Variants in DPYSL2 observed in about 807,000 individuals in gnomAD.
DPYSL2 encodes the protein dihydropyrimidinase like 2.
A neutral mutation model predicts 69.9 loss-of-function variants in DPYSL2; 13 were observed. The ratio of observed to expected loss-of-function variants is 0.19; its 90% CI spans 0.12 to 0.30. DPYSL2 has a LOEUF of 0.30. Among genes scored for constraint, DPYSL2 ranks in the 10% least tolerant of loss-of-function variants. The pLI is 1.00. For synonymous variants in DPYSL2, 326 were observed against 359.1 expected (o/e 0.91, Z 1.04); for missense variants, 587 against 918.9 (o/e 0.64, Z 4.67).
At chr8:26,524,868 A>G (rs1276183572) in intron 1 of DPYSL2, among the ~76,000 whole-genome samples, 2 of 147,238 alleles carry the variant, frequency 1.4e-5, no homozygotes, top group African/African-American at 2.5e-5. Flanking sequence ...AATATTCCTG[A>G]CATCACTAGA....
intron 3 of DPYSL2, among the ~76,000 whole-genome samples, chr8:26,600,849 A>G (rs536881436): frequency 6.6e-6 from 1 of 152,276 alleles, no homozygotes; most frequent in Admixed American, 6.5e-5. Context: ...ATCTCACCGC[A>G]TGGCTGAGAG....
intron 1 of DPYSL2, among the ~76,000 whole-genome samples, chr8:26,524,932 A>G (rs1009092143): frequency 6.7e-6 from 1 of 148,442 alleles, no homozygotes; most frequent in Non-Finnish European, 1.5e-5. Context: ...ATAGTATCCT[A>G]TTGTTTGACG....
chr8:26,553,535 A>G (rs1309528408), intron 1 of DPYSL2, among the ~76,000 whole-genome samples: 3 of 152,092 alleles, frequency 2.0e-5, no homozygotes, highest in African/African-American at 7.2e-5. Context: ...AGCTTCATCT[A>G]TGTTCTTGCA....
chr8:26,612,788 G>A (rs1802261638), intron 3 of DPYSL2, among the ~76,000 whole-genome samples: 1 of 152,236 alleles, frequency 6.6e-6, no homozygotes, highest in Admixed American at 6.5e-5. Flanking sequence ...GCATAGAAAT[G>A]CCTAGAAGGA....
intron 8 of DPYSL2, among the ~76,000 whole-genome samples, chr8:26,639,444 G>A (rs1434831465): frequency 6.6e-6 from 1 of 152,202 alleles, no homozygotes; most frequent in South Asian, 2.1e-4. Flanking sequence ...ACGGCAGATG[G>A]TCTGCAAGGT....
At position 26,640,152 on chromosome 8, in the gene DPYSL2, A is replaced by G. The variant is rs1405325081; in HGVS notation, c.1127-3287A>G. 6.6e-6 allele frequency among the ~76,000 whole-genome samples: 1 copy of G among 152,214 alleles called. No individual in the cohort carries two copies. The highest frequency in any genetic ancestry group is 2.4e-5 in the African/African-American group (1 of 41,446). On this transcript the variant is annotated intron_variant, in intron 8 of 13. Transcript: ENST00000521913. The surrounding 1 kb of genome is among the most constrained non-coding windows in gnomAD (Gnocchi z 4.2). ...GGATTTGTTCTCCTGCTTCTCGTCC[A>G]TGGGAAATGACTGCCAGAGCTGGGA...
At chr8:26,570,423 C>A (rs962522238) in intron 1 of DPYSL2, among the ~76,000 whole-genome samples, 12 of 152,114 alleles carry the variant, frequency 7.9e-5, no homozygotes, top group African/African-American at 2.7e-4. Flanking sequence ...CCAGTTTCTA[C>A]TAAACAAGTA....
intron 3 of DPYSL2, among the ~76,000 whole-genome samples, chr8:26,612,907 G>C (rs1005674101): frequency 6.6e-6 from 1 of 152,204 alleles, no homozygotes; most frequent in Non-Finnish European, 1.5e-5. Context: ...TGGCCTCCAG[G>C]CTCTGCATCT....
chr8:26,537,918 T>A (rs1200012548), intron 1 of DPYSL2, among the ~76,000 whole-genome samples: 1 of 152,218 alleles, frequency 6.6e-6, no homozygotes, highest in Non-Finnish European at 1.5e-5. Flanking sequence ...GAAGCGTTCA[T>A]CTTTCCTTGG....
chr8:26,520,250 A>T (rs1808363832), intron 1 of DPYSL2, among the ~76,000 whole-genome samples: 1 of 152,202 alleles, frequency 6.6e-6, no homozygotes, highest in East Asian at 1.9e-4. Flanking sequence ...TTTTCTTAAT[A>T]AATTACCCAG....
At position 26,601,881 on chromosome 8, in the gene DPYSL2, T is replaced by C. The variant is rs565138022; in HGVS notation, c.628+17898T>C. Among the ~76,000 whole-genome samples, 4 of 152,346 alleles carry C rather than the reference T, an allele frequency of 2.6e-5. No individual in the cohort carries two copies. The East Asian group carries it at 7.7e-4, about 29-fold the overall frequency. ...GGGCTAGCTTGAAATAAGCTCATAG[T>C]GGTGCGAAAGCAGGGATATTGAGGC... On this transcript the variant is annotated intron_variant, in intron 3 of 13. Coordinates refer to ENST00000521913, the MANE Select transcript of DPYSL2 (RefSeq NM_001197293.3).
chr8:26,538,032 G>A (rs1189993200), intron 1 of DPYSL2, among the ~76,000 whole-genome samples: 4 of 152,056 alleles, frequency 2.6e-5, no homozygotes, highest in Non-Finnish European at 5.9e-5. Context: ...ATACATTTTT[G>A]TCATGACTAT....
chr8:26,651,961 G>A (rs1803287227), intron 11 of DPYSL2, among the ~76,000 whole-genome samples: 1 of 152,228 alleles, frequency 6.6e-6, no homozygotes, highest in South Asian at 2.1e-4. Context: ...CTGTTAATAG[G>A]AAGAATCATT....
Position 26,654,759 on chromosome 8 carries a change from A to G in DPYSL2, c.1943-856A>G, listed in dbSNP as rs139712070. Reference sequence around the variant, plus strand: ...TTTTGTATATAGTTTTACTTTCTCCAGTAATAGATCCAACAACCTTTATAC... The same window carrying G: ...TTTTGTATATAGTTTTACTTTCTCCGGTAATAGATCCAACAACCTTTATAC... On this transcript the variant is annotated intron_variant, in intron 13 of 13. Coordinates refer to ENST00000521913, the MANE Select transcript of DPYSL2 (RefSeq NM_001197293.3). The surrounding 1 kb of genome is among the most constrained non-coding windows in gnomAD (Gnocchi z 5.0). Among the ~76,000 whole-genome samples the G allele has an allele frequency of 4.1e-4, 62 of 152,302 alleles. No individual in the cohort carries two copies. In the East Asian group the frequency reaches 0.01, roughly 26 times the overall value.
rs1047441985 is a variant in DPYSL2, at chr8:26,585,512, G to A, written c.628+1529G>A. ...TAAGCCTTGCGACTTGTGTCTTGCT[G>A]TACATGTTGCCCTTTAACCTAGTGG... is the stretch of plus-strand genomic sequence containing the variant. On this transcript the variant is annotated intron_variant, in intron 3 of 13. Transcript: ENST00000521913. This position sits in a 1 kb window ranked among gnomAD's most constrained non-coding sequence, Gnocchi z 4.0. Among the ~76,000 whole-genome samples, 1 of 152,070 alleles carries A rather than the reference G, an allele frequency of 6.6e-6. No individual in the cohort carries two copies. Among genetic ancestry groups the A allele is most frequent in the African/African-American group, 2.4e-5 (1 of 41,406 alleles).
rs868512007 is a variant in DPYSL2 at position 26,588,330 on chromosome 8, A to G, written c.628+4347A>G. 9.9e-5 allele frequency among the ~76,000 whole-genome samples: 15 copies of G among 152,208 alleles called. No individual in the cohort carries two copies. Among genetic ancestry groups the G allele is most frequent in the Middle Eastern group, 3.4e-3 (1 of 294 alleles). Reference sequence around the variant, plus strand: ...TCTGGGGGCGGCATCTTGAAACATTACACTTCCTGGGTCCCACCTTACCTG... The same window carrying G: ...TCTGGGGGCGGCATCTTGAAACATTGCACTTCCTGGGTCCCACCTTACCTG... On this transcript the variant is annotated intron_variant, in intron 3 of 13. Transcript: ENST00000521913. This position sits in a 1 kb window ranked among gnomAD's most constrained non-coding sequence, Gnocchi z 5.4.
At position 26,578,014 on chromosome 8, in the gene DPYSL2, TC is replaced by T; in HGVS notation, c.355-3954del. On this transcript the variant is annotated intron_variant, in intron 1 of 13. Transcript: ENST00000521913. ...CTCCTTCTCTCTCTCTCTCTCTCTC[TC>T]TCTTTTTTTTCCGCCCTAGCTGGGG... The T allele has an allele frequency of 7.2e-6, 10 of 1,382,744 alleles. No individual in the cohort carries two copies. The East Asian group carries it at 8.7e-5, about 12-fold the overall frequency. 85.7% of individuals were successfully genotyped at this position (1,382,744 alleles called of 1,614,324 possible).
At chr8:26,595,450 A>G (rs1192421943) in intron 3 of DPYSL2, among the ~76,000 whole-genome samples, 1 of 152,140 alleles carries the variant, frequency 6.6e-6, no homozygotes, top group Non-Finnish European at 1.5e-5. Context: ...TTGAATTTTC[A>G]GCCTTTTTTG....
In DPYSL2 at chr8:26,627,389, G is replaced by A; in HGVS notation, c.936+94G>A. ...GCTGCATCTGTAGCTTAACACCAAG[G>A]TGGAAAAGCAGAGGGACCTGGTGTT... On this transcript the variant is annotated intron_variant, in intron 6 of 13. Coordinates refer to ENST00000521913, the MANE Select transcript of DPYSL2 (RefSeq NM_001197293.3). The surrounding 1 kb of genome is among the most constrained non-coding windows in gnomAD (Gnocchi z 6.9). The A allele has an allele frequency of 1.5e-6, 2 of 1,354,102 alleles. No individual in the cohort carries two copies. Among genetic ancestry groups the A allele is most frequent in the Middle Eastern group, 2.3e-4 (1 of 4,304 alleles). 83.9% of individuals were successfully genotyped at this position (1,354,102 alleles called of 1,614,324 possible).
Sources: allele counts gnomAD v4.1 joint callset (sites outside exome capture counted in the v4.1 genomes callset), GRCh38; gene constraint gnomAD v4.1.1; non-coding constraint Gnocchi (gnomAD v3.1); transcripts MANE v1.5; gene names NCBI Gene and HGNC (gene_info 2026-07-23, HGNC 2026-07-21).